PTPRE: variants seen among roughly 807,000 people sequenced by gnomAD.
PTPRE encodes protein tyrosine phosphatase receptor type E, also known as receptor-type tyrosine-protein phosphatase epsilon.
PTPRE carries 51 observed loss-of-function variants against 102.0 expected under a neutral mutation model. The observed-to-expected ratio is 0.50, with a 90% CI of 0.40 to 0.63. PTPRE has a LOEUF of 0.63. PTPRE is among the 30% of genes least tolerant of loss of function. PTPRE has a pLI of 0.00. For missense variants in PTPRE, 752 were observed against 915.1 expected, an observed-to-expected ratio of 0.82 and a Z score of 2.30; for synonymous variants, 345 against 348.2, an observed-to-expected ratio of 0.99 and a Z score of 0.10.
rs566482910 is a variant in PTPRE, at chr10:128,059,914, C to T, written c.512-1025C>T. 5.3e-3 allele frequency among the ~76,000 whole-genome samples: 790 copies of T among 150,012 alleles called. 5 individuals carry two copies. Among genetic ancestry groups the T allele is most frequent in the Non-Finnish European group, 8.3e-3 (560 of 67,778 alleles). ...CACAAAAGTCATGATGGAGCCCTGA[C>T]GTGTGTGTACACACACACTACATGC... On this transcript the variant is annotated intron_variant, in intron 7 of 20. Coordinates refer to ENST00000254667, the MANE Select transcript of PTPRE (RefSeq NM_006504.6).
At chr10:127,933,555 C>T (rs1027826440) in intron 1 of PTPRE, among the ~76,000 whole-genome samples, 2 of 152,080 alleles carry the variant, frequency 1.3e-5, no homozygotes, top group Non-Finnish European at 2.9e-5. Flanking sequence ...TTCTGATGTG[C>T]GATAAAAATG....
intron 7 of PTPRE, among the ~76,000 whole-genome samples, chr10:128,059,327 G>A (rs576974059): frequency 6.6e-6 from 1 of 152,202 alleles, no homozygotes; most frequent in African/African-American, 2.4e-5. Context: ...GGCTGTGACT[G>A]TCTCTCAGAG....
intron 1 of PTPRE, among the ~76,000 whole-genome samples, chr10:127,959,452 T>A: frequency 6.8e-6 from 1 of 147,596 alleles, no homozygotes; most frequent in East Asian, 2.2e-4. Context: ...TTTTCTTGAA[T>A]TACTTTTTTG....
chr10:128,081,417 A>G (rs926353923), intron 20 of PTPRE, among the ~76,000 whole-genome samples: 2 of 152,174 alleles, frequency 1.3e-5, no homozygotes, highest in African/African-American at 4.8e-5. Flanking sequence ...TCATCCGAGC[A>G]CACTCCAAAG....
At chr10:127,984,969 A>G (rs1287797299) in intron 2 of PTPRE, among the ~76,000 whole-genome samples, 1 of 152,218 alleles carries the variant, frequency 6.6e-6, no homozygotes, top group Non-Finnish European at 1.5e-5. Flanking sequence ...ACTGCTAAGC[A>G]TTTGAGACGT....
At chr10:128,068,001 T>A (rs1850422003) in intron 11 of PTPRE, 122 bp from the exon 12 acceptor site, 2 of 1,118,400 alleles carry the variant, frequency 1.8e-6, no homozygotes, top group African/African-American at 3.1e-5. Flanking sequence ...CCTCTGTGGA[T>A]GGGCCCCTCC....
chr10:127,982,129 TAGATAAAGA>T (rs1851679594), intron 1 of PTPRE, 136 bp from the exon 2 acceptor site: 1 of 358,330 alleles, frequency 2.8e-6, no homozygotes, highest in African/African-American at 2.2e-5. Context: ...AAGTATCATC[TAGATAAAGA>T]GGTCTCCAGA....
At chr10:128,018,291 C>T (rs1188796676) in intron 2 of PTPRE, among the ~76,000 whole-genome samples, 5 of 152,174 alleles carry the variant, frequency 3.3e-5, no homozygotes, top group African/African-American at 9.6e-5. Flanking sequence ...CAGAGGCTCC[C>T]TCCCGGCTGC....
intron 18 of PTPRE, 117 bp from the exon 19 acceptor site, chr10:128,077,500 C>A: frequency 3.8e-6 from 5 of 1,302,510 alleles, no homozygotes. Context: ...GGGATGTTGG[C>A]AGCACAGAAG....
chr10:128,021,372 T>G (rs1451155285), intron 2 of PTPRE, among the ~76,000 whole-genome samples: 1 of 152,136 alleles, frequency 6.6e-6, no homozygotes. Flanking sequence ...CCTGCGAGCC[T>G]CCTTAGCACT....
chr10:127,991,287 A>G (rs1056470312), intron 2 of PTPRE, among the ~76,000 whole-genome samples: 101 of 152,256 alleles, frequency 6.6e-4, no homozygotes, highest in African/African-American at 2.2e-3. Context: ...ACATTCTGTT[A>G]TGCTGTTTCC....
chr10:128,014,574 A>G (rs577211520), intron 2 of PTPRE, among the ~76,000 whole-genome samples: 2 of 152,306 alleles, frequency 1.3e-5, no homozygotes, highest in African/African-American at 2.4e-5. Flanking sequence ...TCTGCAGCAT[A>G]TTAAGGAAGA....
intron 1 of PTPRE, among the ~76,000 whole-genome samples, chr10:127,975,053 C>T (rs1035108607): frequency 2.0e-5 from 3 of 152,186 alleles, no homozygotes; most frequent in African/African-American, 7.2e-5. Context: ...GCCCAGAGGG[C>T]TCAGAAAAGA....
Position 128,085,304 on chromosome 10 carries a change from A to G in PTPRE, c.*2398A>G, listed in dbSNP as rs1316142974. On this transcript the variant is annotated 3_prime_UTR_variant, in exon 21 of 21. Coordinates refer to ENST00000254667, the MANE Select transcript of PTPRE (RefSeq NM_006504.6). ...GTTCATCTCTTGTTTCCTTCAGTCA[A>G]AGAAAGTCCATTGTACATAACAAAA... 3 of 323,226 alleles carry G rather than the reference A, an allele frequency of 9.3e-6. No homozygotes were observed. In the East Asian group the frequency reaches 2.3e-4, roughly 25 times the overall value. 20.0% of individuals were successfully genotyped at this position (323,226 alleles called of 1,614,324 possible).
intron 2 of PTPRE, among the ~76,000 whole-genome samples, chr10:128,001,600 C>T (rs1339955024): frequency 6.6e-6 from 1 of 152,202 alleles, no homozygotes; most frequent in Non-Finnish European, 1.5e-5. Flanking sequence ...ACCCCCAGTA[C>T]AGTGCACAGG....
rs574789939 is a variant in PTPRE at position 127,908,934 on chromosome 10, AT to A, written c.-31+1626del. Among the ~76,000 whole-genome samples, 9 of 152,318 alleles carry A rather than the reference AT, an allele frequency of 5.9e-5. No homozygotes were observed. In the South Asian group the frequency reaches 1.9e-3, roughly 32 times the overall value. On this transcript the variant is annotated intron_variant, in intron 1 of 20. Transcript: ENST00000254667. The stretch of plus-strand genomic sequence containing the variant: ...TTGGGACTTAGTCACACACTCCCTC[AT>A]CAGTTCCAGTCAAACCAGTTGAGGG...
intron 2 of PTPRE, among the ~76,000 whole-genome samples, chr10:128,036,463 A>G (rs117604750): frequency 0.013 from 1,976 of 152,274 alleles, 23 homozygotes; most frequent in Middle Eastern, 0.024. Flanking sequence ...GAGGTCATTT[A>G]TCTCAGAACC....
chr10:128,043,425 C>T (rs867411494), intron 3 of PTPRE, among the ~76,000 whole-genome samples: 4 of 152,212 alleles, frequency 2.6e-5, no homozygotes, highest in Non-Finnish European at 5.9e-5. Context: ...AATGCCGCTG[C>T]TGATCTGACG....
chr10:128,047,364 T>C, intron 3 of PTPRE, 26 bp from the exon 4 acceptor site: 1 of 1,609,962 alleles, frequency 6.2e-7, no homozygotes, highest in Non-Finnish European at 8.5e-7. Context: ...AGGTCAGGGG[T>C]TAGGGTCTTT....
Sources: gnomAD v4.1 joint callset for allele counts (sites outside exome capture counted in the v4.1 genomes callset) on GRCh38, gnomAD v4.1.1 for gene constraint, MANE v1.5 for transcripts, NCBI Gene and HGNC (gene_info 2026-07-23, HGNC 2026-07-21) for gene names.